AFAP1: variants seen among roughly 807,000 people sequenced by gnomAD.
AFAP1 encodes actin filament-associated protein 1.
A neutral mutation model predicts 93.9 loss-of-function variants in AFAP1; 75 were observed. The ratio of observed to expected loss-of-function variants is 0.80; its 90% CI spans 0.66 to 0.97. The LOEUF is 0.97. AFAP1 is among the 50% of genes least tolerant of loss of function. The pLI, the probability that AFAP1 is intolerant of heterozygous loss-of-function variation, is 0.00. For missense variants in AFAP1, 1,201 were observed against 1,050.8 expected (o/e 1.14, Z -1.98); for synonymous variants, 517 against 430.7 (o/e 1.20, Z -2.48).
intron 13 of AFAP1, 59 bp from the exon 14 acceptor site, chr4:7,778,935 T>A: frequency 1.5e-6 from 2 of 1,304,902 alleles, no homozygotes; most frequent in South Asian, 1.3e-5. Context: ...CAAATCTTGG[T>A]CTTTTTTTTT....
chr4:7,925,294 G>A (rs1297384700), intron 1 of AFAP1, among the ~76,000 whole-genome samples: 1 of 152,192 alleles, frequency 6.6e-6, no homozygotes, highest in Admixed American at 6.5e-5. Context: ...CACAAAACGC[G>A]GCTTCCTTGA....
intron 1 of AFAP1, among the ~76,000 whole-genome samples, chr4:7,885,369 G>A (rs71601892): frequency 0.11 from 17,063 of 152,044 alleles, 1,106 homozygotes; most frequent in Non-Finnish European, 0.15. Flanking sequence ...TCCCTGCGTC[G>A]TCCCACACAC....
intron 14 of AFAP1, 39 bp from the exon 15 acceptor site, chr4:7,774,942 T>G: frequency 6.3e-7 from 1 of 1,596,540 alleles, no homozygotes; most frequent in Admixed American, 1.8e-5. Context: ...AAATTAGGTT[T>G]ACTAGCCTGG....
At chr4:7,771,434 G>A (rs55698135) in intron 16 of AFAP1, among the ~76,000 whole-genome samples, 31,029 of 151,982 alleles carry the variant, frequency 0.2, 4,134 homozygotes, top group Non-Finnish European at 0.3. Flanking sequence ...GATAAATGTT[G>A]AATGAATATA....
Position 7,843,343 on chromosome 4 carries a change from A to C in AFAP1, c.342T>G (p.Asp114Glu), listed in dbSNP as rs752776264. Residue 114 changes from aspartate (D) to glutamate (E), a missense_variant, in exon 5 of 18, where the codon GAT becomes GAG. Transcript: ENST00000420658. ...KAPEYITSNY[D>E]SDAMSSSYES... The stretch of plus-strand genomic sequence containing the variant: ...CATAAGAGCTGCTCATCGCATCGGA[A>C]TCATAATCTGTAAAAAATAAACATA... The C allele has an allele frequency of 1.2e-6, 2 of 1,611,968 alleles. No homozygotes were observed. The highest frequency in any genetic ancestry group is 1.7e-6 in the Non-Finnish European group (2 of 1,179,084).
At chr4:7,766,571 CAG>C (rs570554569) in intron 17 of AFAP1, among the ~76,000 whole-genome samples, 50 of 126,228 alleles carry the variant, frequency 4.0e-4, no homozygotes, top group Middle Eastern at 4.1e-3. Flanking sequence ...GGGAGGGAAA[CAG>C]AATCTCCAGG....
At chr4:7,780,643 C>A (rs534362983) in intron 13 of AFAP1, among the ~76,000 whole-genome samples, 21 of 142,602 alleles carry the variant, frequency 1.5e-4, no homozygotes, top group African/African-American at 5.1e-4. Context: ...GAGACTTCAT[C>A]TTTTTTTTTT....
intron 10 of AFAP1, chr4:7,798,916 C>A (rs1466543762): frequency 1.0e-6 from 1 of 987,210 alleles, no homozygotes; most frequent in Non-Finnish European, 1.2e-6. Flanking sequence ...CAATTCATGC[C>A]TCCTTCTCCT....
chr4:7,860,678 A>C (rs1363637314), intron 3 of AFAP1, among the ~76,000 whole-genome samples: 1 of 152,198 alleles, frequency 6.6e-6, no homozygotes, highest in Non-Finnish European at 1.5e-5. Flanking sequence ...GCTGACCTGG[A>C]AACTGTGGCA....
At chr4:7,904,714 GT>G (rs1436844725) in intron 1 of AFAP1, among the ~76,000 whole-genome samples, 1 of 147,580 alleles carries the variant, frequency 6.8e-6, no homozygotes, top group Admixed American at 6.8e-5. Context: ...TTGTTTGTTT[GT>G]TTGTTTTGTT....
chr4:7,803,643 A>G (rs1026689312), intron 9 of AFAP1, among the ~76,000 whole-genome samples: 1 of 152,176 alleles, frequency 6.6e-6, no homozygotes, highest in African/African-American at 2.4e-5. Context: ...CCCCAGCCAC[A>G]GGAGACCTGG....
rs1263541212 is a variant in AFAP1, at chr4:7,768,977, T to C, written c.2285A>G (p.Asn762Ser). ...SPVFRHRTLE[N>S]SPISSCDTSD... ...GGTGTCACAGCTGGAGATGGGCGAG[T>C]TTTCCAGGGTCCGGTGCCGGAACAC... The change falls in exon 17 of 18, where the codon AAC (asparagine) becomes AGC (serine). Residue 762 changes from asparagine to serine, a missense_variant. Physicochemically the swap from Asn to Ser is conservative, Grantham distance 46. Coordinates refer to ENST00000420658, the MANE Select transcript of AFAP1 (RefSeq NM_001134647.2). 1.9e-6 allele frequency: 3 copies of C among 1,612,424 alleles called. No homozygotes were observed. The highest frequency in any genetic ancestry group is 1.7e-5 in the Admixed American group (1 of 59,884).
At chr4:7,807,400 C>G (rs1396105935) in intron 9 of AFAP1, among the ~76,000 whole-genome samples, 1 of 152,170 alleles carries the variant, frequency 6.6e-6, no homozygotes, top group Non-Finnish European at 1.5e-5. Flanking sequence ...CACTGGGGCA[C>G]CAACACATTC....
intron 1 of AFAP1, among the ~76,000 whole-genome samples, chr4:7,876,930 C>T (rs1717545658): frequency 6.6e-6 from 1 of 152,224 alleles, no homozygotes; most frequent in African/African-American, 2.4e-5. Flanking sequence ...TTCTACTTGA[C>T]AGTCTTTCCA....
intron 13 of AFAP1, 152 bp from the exon 14 acceptor site, chr4:7,779,028 A>T: frequency 1.6e-6 from 1 of 626,604 alleles, no homozygotes; most frequent in African/African-American, 1.8e-5. Flanking sequence ...GAAAACCAAG[A>T]TGGTTTCCAA....
chr4:7,838,408 TG>T, intron 6 of AFAP1, 115 bp downstream of exon 6: 1 of 1,229,156 alleles, frequency 8.1e-7, no homozygotes, highest in Non-Finnish European at 1.1e-6. Flanking sequence ...CAAAACTCTT[TG>T]GGTGAATCCA....
chr4:7,795,819 T>C (rs1393482098), intron 10 of AFAP1, among the ~76,000 whole-genome samples: 3 of 152,210 alleles, frequency 2.0e-5, no homozygotes, highest in Admixed American at 2.0e-4. Context: ...ATATCTAAGA[T>C]GTAATTGATA....
At chr4:7,793,579 T>C (rs1718093893) in intron 11 of AFAP1, 102 bp downstream of exon 11, 2 of 1,249,668 alleles carry the variant, frequency 1.6e-6, no homozygotes, top group Admixed American at 2.9e-5. Context: ...TCTTTAGTTT[T>C]TCTTCTGGGT....
chr4:7,891,131 A>C (rs1363994090), intron 1 of AFAP1, among the ~76,000 whole-genome samples: 2 of 152,262 alleles, frequency 1.3e-5, no homozygotes, highest in Non-Finnish European at 2.9e-5. Flanking sequence ...AACTCAGATT[A>C]ATCTCAAGAA....
Sources: gnomAD v4.1 joint callset for allele counts (sites outside exome capture counted in the v4.1 genomes callset) on GRCh38, gnomAD v4.1.1 for gene constraint, MANE v1.5 for transcripts, NCBI Gene and HGNC (gene_info 2026-07-23, HGNC 2026-07-21) for gene names.